The following DGKH variants were observed in gnomAD, a reference collection of about 807,000 sequenced individuals.
The protein encoded by DGKH is DAG kinase eta.
Under a neutral mutation model 159.3 loss-of-function variants are expected in DGKH, and 90 were observed. The observed-to-expected ratio is 0.57, with a 90% CI of 0.48 to 0.67. The LOEUF is 0.67. Ranked by LOEUF, DGKH falls within the 30% of genes least tolerant of loss-of-function variation. The pLI, the probability that DGKH is intolerant of heterozygous loss-of-function variation, is 0.00. For synonymous variants in DGKH, 536 were observed against 553.8 expected (o/e 0.97, Z 0.45); for missense variants, 1,181 against 1,506.1 (o/e 0.78, Z 3.57).
At chr13:42,062,068 C>T (rs1376737156) in intron 1 of DGKH, among the ~76,000 whole-genome samples, 1 of 151,470 alleles carries the variant, frequency 6.6e-6, no homozygotes, top group Admixed American at 6.6e-5. Context: ...AATATTTGAA[C>T]AGAGATCTTA....
chr13:42,082,039 G>C (rs1324114868), intron 1 of DGKH, among the ~76,000 whole-genome samples: 1 of 152,042 alleles, frequency 6.6e-6, no homozygotes, highest in Non-Finnish European at 1.5e-5. Flanking sequence ...TGAGAAATGT[G>C]GCTCTCATTA....
intron 9 of DGKH, 82 bp from the exon 10 acceptor site, chr13:42,168,358 G>T: frequency 8.5e-7 from 1 of 1,181,376 alleles, no homozygotes; most frequent in East Asian, 2.6e-5. Context: ...ATCTGAATAT[G>T]AATACTGATA....
intron 5 of DGKH, among the ~76,000 whole-genome samples, chr13:42,156,435 C>T (rs997459937): frequency 6.6e-6 from 1 of 151,798 alleles, no homozygotes; most frequent in African/African-American, 2.4e-5. Flanking sequence ...TTTTTTAAGT[C>T]TCACTATGTT....
chr13:42,203,940 T>C (rs1322130909), intron 20 of DGKH, among the ~76,000 whole-genome samples: 2 of 152,220 alleles, frequency 1.3e-5, no homozygotes, highest in Non-Finnish European at 2.9e-5. Context: ...AACTTTTAAA[T>C]CATGTGAATT....
chr13:42,189,633 A>G (rs2138109142), intron 15 of DGKH, among the ~76,000 whole-genome samples: 1 of 152,324 alleles, frequency 6.6e-6, no homozygotes, highest in South Asian at 2.1e-4. Flanking sequence ...TGAATTCTTA[A>G]AGAAAATAAA....
intron 1 of DGKH, among the ~76,000 whole-genome samples, chr13:42,110,625 T>C (rs1954846462): frequency 1.6e-5 from 1 of 62,676 alleles, no homozygotes; most frequent in Non-Finnish European, 3.5e-5. Flanking sequence ...TTTACCCATT[T>C]ACAACACAGT....
chr13:42,208,390 C>T (rs533709290), intron 21 of DGKH, among the ~76,000 whole-genome samples: 1 of 152,156 alleles, frequency 6.6e-6, no homozygotes, highest in Admixed American at 6.5e-5. Flanking sequence ...TTTTTATCTT[C>T]TGAGGTTTCT....
intron 29 of DGKH, among the ~76,000 whole-genome samples, chr13:42,226,581 T>C (rs1594244537): frequency 6.6e-6 from 1 of 151,462 alleles, no homozygotes; most frequent in Non-Finnish European, 1.5e-5. Context: ...ATAGGCCGGG[T>C]GTGGTGGCTC....
chr13:42,194,941 G>A lies in DGKH; in HGVS notation c.2092G>A (p.Asp698Asn). 6.2e-7 allele frequency: 1 copy of A among 1,614,012 alleles called. No individual in the cohort carries two copies. The highest frequency in any genetic ancestry group is 8.5e-7 in the Non-Finnish European group (1 of 1,179,944). Reference sequence around the variant, plus strand: ...GGCAAGTTATGGCCATTCCCAAACTGATTCTGTCCCTGGTCCAGCTGTGGC... The same window carrying A: ...GGCAAGTTATGGCCATTCCCAAACTAATTCTGTCCCTGGTCCAGCTGTGGC... ...ARASYGHSQT[D>N]SVPGPAVAAS... Residue 698 changes from aspartate (D) to asparagine (N), a missense_variant, in exon 17 of 30, where the codon GAT (aspartate) becomes AAT (asparagine). Asp to Asn is a conservative substitution (Grantham distance 23). Around this residue, in one of 5 missense-constraint regions of DGKH, gnomAD observed 257 missense variants for 281.5 expected, o/e 0.91. Transcript: ENST00000337343.
chr13:42,044,404 C>G (rs758708354), upstream of DGKH, among the ~76,000 whole-genome samples: 2 of 152,076 alleles, frequency 1.3e-5, no homozygotes, highest in Non-Finnish European at 2.9e-5. Flanking sequence ...ATTCTCCTGC[C>G]TCAGCCTCCC....
At chr13:42,056,287 A>G (rs1008600874) in intron 1 of DGKH, among the ~76,000 whole-genome samples, 32 of 151,748 alleles carry the variant, frequency 2.1e-4, no homozygotes, top group African/African-American at 7.8e-4. Flanking sequence ...TTATGAGGCT[A>G]TTTGGGAGAC....
chr13:42,219,942 C>T, intron 28 of DGKH, 148 bp downstream of exon 28: 1 of 648,688 alleles, frequency 1.5e-6, no homozygotes, highest in Non-Finnish European at 2.6e-6. Context: ...GAATTCTATG[C>T]TTTAAAATGG....
intron 3 of DGKH, chr13:42,153,677 T>C (rs1344210658): frequency 6.6e-6 from 1 of 152,224 alleles, no homozygotes; most frequent in Non-Finnish European, 1.5e-5. Flanking sequence ...GAAAAACATT[T>C]TGAAGCAATA....
intron 3 of DGKH, among the ~76,000 whole-genome samples, chr13:42,134,677 C>T (rs957663653): frequency 6.6e-6 from 1 of 152,098 alleles, no homozygotes; most frequent in South Asian, 2.1e-4. Context: ...TGAAGCCAGC[C>T]TGGCCAACAT....
Position 42,242,854 on chromosome 13 carries a change from T to G in DGKH, c.*13666T>G, listed in dbSNP as rs1958539531. ...GACATCTTTCCCAAAGGGCACTGCCTTGAGATCATCCTTCTCAAATAAAAA... is the reference window on the plus strand; with the variant it reads ...GACATCTTTCCCAAAGGGCACTGCCGTGAGATCATCCTTCTCAAATAAAAA... On this transcript the variant is annotated 3_prime_UTR_variant, in exon 30 of 30. Coordinates refer to ENST00000337343, the MANE Select transcript of DGKH (RefSeq NM_178009.5). The G allele has an allele frequency of 6.6e-6, 1 of 152,250 alleles. No individual in the cohort carries two copies. Among genetic ancestry groups the G allele is most frequent in the Non-Finnish European group, 1.5e-5 (1 of 68,038 alleles). The allele number at this position is 152,250 out of a possible 1,614,324, so 9.4% of individuals were successfully genotyped here. A position where few individuals can be genotyped will look rare whatever the true frequency, so the allele number is the denominator to read the frequency against.
At chr13:42,161,793 A>G (rs887876773) in intron 7 of DGKH, among the ~76,000 whole-genome samples, 2 of 147,286 alleles carry the variant, frequency 1.4e-5, no homozygotes, top group African/African-American at 4.9e-5. Context: ...AAAAAAAAAA[A>G]AGAAAAGAAA....
chr13:42,159,399 C>T (rs752343962), intron 6 of DGKH, 27 bp downstream of exon 6: 10 of 1,457,682 alleles, frequency 6.9e-6, no homozygotes, highest in Non-Finnish European at 8.7e-6. Context: ...TCTCTGCTCT[C>T]TTCCCACTAA....
intron 1 of DGKH, among the ~76,000 whole-genome samples, chr13:42,056,567 T>C (rs1456503871): frequency 1.3e-5 from 2 of 152,246 alleles, no homozygotes; most frequent in Admixed American, 1.3e-4. Flanking sequence ...CTAAATTTTA[T>C]AAATGATTAT....
intron 1 of DGKH, among the ~76,000 whole-genome samples, chr13:42,106,817 G>A (rs1206944663): frequency 1.3e-5 from 2 of 152,174 alleles, no homozygotes; most frequent in South Asian, 2.1e-4. Context: ...GCCGAGGCGG[G>A]TGGATCACAA....
Sources: allele counts gnomAD v4.1 joint callset (sites outside exome capture counted in the v4.1 genomes callset), GRCh38; gene constraint gnomAD v4.1.1; regional missense constraint gnomAD v4.1.1; transcripts MANE v1.5; gene names NCBI Gene and HGNC (gene_info 2026-07-23, HGNC 2026-07-21).